Variants in TRIM39 observed in about 807,000 individuals in gnomAD.
TRIM39 encodes E3 ubiquitin-protein ligase TRIM39.
In TRIM39, 5 loss-of-function variants were observed where a neutral mutation model predicts 53.6. The observed-to-expected ratio is 0.09, with a 90% CI of 0.05 to 0.20. The LOEUF (loss-of-function observed/expected upper bound fraction) is 0.20, where lower values mean the gene tolerates loss of function less well. Ranked by LOEUF, TRIM39 falls within the 10% of genes least tolerant of loss-of-function variation. The pLI, the probability that TRIM39 is intolerant of heterozygous loss-of-function variation, is 1.00. For synonymous variants in TRIM39, 196 were observed against 237.6 expected (o/e 0.82, Z 1.61); for missense variants, 310 against 621.0 (o/e 0.50, Z 5.32).
At chr6:30,327,991 G>A (rs1027433071) in intron 1 of TRIM39, among the ~76,000 whole-genome samples, 7 of 152,336 alleles carry the variant, frequency 4.6e-5, no homozygotes, top group Admixed American at 3.9e-4. Context: ...AGAAGGATGG[G>A]GGTCGGGAGG....
At chr6:30,333,872 T>TG (rs762390689) in intron 4 of TRIM39, among the ~76,000 whole-genome samples, 3 of 151,288 alleles carry the variant, frequency 2.0e-5, no homozygotes, top group East Asian at 1.9e-4. Context: ...AAATATAGAG[T>TG]GAAAAAAAGA....
rs1416393668 is a variant in TRIM39 at position 30,335,777 on chromosome 6, G to A, written c.582G>A (p.Leu194=). 1.2e-6 allele frequency: 2 copies of A among 1,612,938 alleles called. No individual in the cohort carries two copies. Among genetic ancestry groups the A allele is most frequent in the Non-Finnish European group, 1.7e-6 (2 of 1,180,020 alleles). Residue 194 remains leucine (L), a synonymous_variant, in exon 5 of 8, where the codon TTG becomes TTA. Transcript: ENST00000396551. This position sits in a 1 kb window ranked among gnomAD's most constrained non-coding sequence, Gnocchi z 4.7. Reference sequence around the variant, plus strand: ...TGGAAAGTCGCCGACAGCAGATCTTGAGGGAGTTTGAAGAGCTTCATAGGC... The same window carrying A: ...TGGAAAGTCGCCGACAGCAGATCTTAAGGGAGTTTGAAGAGCTTCATAGGC...
At chr6:30,340,642 A>G (rs1451889812) in intron 7 of TRIM39, 22 bp downstream of exon 7, 7 of 1,602,912 alleles carry the variant, frequency 4.4e-6, no homozygotes, top group Non-Finnish European at 5.9e-6. Flanking sequence ...CCAAAAGGAA[A>G]CTAGAAGAAA....
chr6:30,329,268 A>T, intron 2 of TRIM39, 43 bp from the exon 3 acceptor site: 2 of 1,526,678 alleles, frequency 1.3e-6, no homozygotes, highest in Non-Finnish European at 1.8e-6. Context: ...AAAAACCTCC[A>T]ATTAATATTT....
At chr6:30,326,474 G>T (rs969638456) in exon 1 of TRIM39, 3 of 152,470 alleles carry the variant, frequency 2.0e-5, no homozygotes, top group Non-Finnish European at 4.4e-5. Context: ...TCCCCAGACT[G>T]GCCCGAAGAG....
chr6:30,329,355 C>T, exon 3 of TRIM39: 1 of 1,613,058 alleles, frequency 6.2e-7, no homozygotes, highest in Non-Finnish European at 8.5e-7. Flanking sequence ...GGGGCCTCTG[C>T]AGCCTCTACA....
chr6:30,341,636 A>C, intron 7 of TRIM39, 76 bp from the exon 8 acceptor site: 1 of 1,509,408 alleles, frequency 6.6e-7, no homozygotes, highest in Non-Finnish European at 8.9e-7. Flanking sequence ...CTGTAAAGGC[A>C]GGCTGGAAGA....
intron 5 of TRIM39, among the ~76,000 whole-genome samples, chr6:30,337,904 CT>C (rs1787059909): frequency 6.6e-6 from 1 of 152,216 alleles, no homozygotes; most frequent in Admixed American, 6.5e-5. Context: ...GCAAGATCTT[CT>C]GGATAACTTG....
chr6:30,336,066 C>T, intron 5 of TRIM39, 91 bp downstream of exon 5: 1 of 1,536,168 alleles, frequency 6.5e-7, no homozygotes, highest in Non-Finnish European at 8.9e-7. Context: ...ACTCATTCTT[C>T]TGCTCTCCTT....
At chr6:30,341,868 C>T (rs1787591880) in exon 8 of TRIM39, 1 of 1,612,918 alleles carries the variant, frequency 6.2e-7, no homozygotes, top group African/African-American at 1.3e-5. Context: ...GAGGGTTTCA[C>T]CTCAGGTCGA....
chr6:30,339,737 T>C lies in TRIM39; in HGVS notation c.781-171T>C, dbSNP rs1416093209. ...CCAGAAGTTGAAAGTAGGGATTAGGTTGGGAGAAGTGCATTCAGGTCCCGC... is the reference window on the plus strand; with the variant it reads ...CCAGAAGTTGAAAGTAGGGATTAGGCTGGGAGAAGTGCATTCAGGTCCCGC... On this transcript the variant is annotated intron_variant, in intron 5 of 7. Coordinates refer to ENST00000396551, the Ensembl canonical transcript of TRIM39. The surrounding 1 kb of genome is among the most constrained non-coding windows in gnomAD (Gnocchi z 4.2). 1.3e-5 allele frequency among the ~76,000 whole-genome samples: 2 copies of C among 152,088 alleles called. No individual in the cohort carries two copies. Among genetic ancestry groups the C allele is most frequent in the African/African-American group, 4.8e-5 (2 of 41,394 alleles).
chr6:30,329,229 G>C (rs565537049), intron 2 of TRIM39, 82 bp from the exon 3 acceptor site: 21 of 1,439,254 alleles, frequency 1.5e-5, no homozygotes, highest in Non-Finnish European at 1.9e-5. Flanking sequence ...GATAAATGTC[G>C]GGTCAGGGAT....
intron 2 of TRIM39, 69 bp from the exon 3 acceptor site, chr6:30,329,241 CA>C (rs200072323): frequency 0.19 from 224,731 of 1,188,294 alleles, 3 homozygotes; most frequent in Middle Eastern, 0.2. Context: ...GTCAGGGATG[CA>C]AAAAAAAAAA....
At position 30,339,936 on chromosome 6, in the gene TRIM39, TG is replaced by T; in HGVS notation, c.803+7del. ...GTCAAAAGTACCCTGGAAAAGTAAG[TG>T]ATTGTTGTATCTCTCTGAGTGAGTT... On this transcript the variant is annotated splice_region_variant and intron_variant, in intron 6 of 7. Coordinates refer to ENST00000396551, the Ensembl canonical transcript of TRIM39. The surrounding 1 kb of genome is among the most constrained non-coding windows in gnomAD (Gnocchi z 4.2). 6.2e-7 allele frequency: 1 copy of T among 1,614,124 alleles called. No homozygotes were observed. Among genetic ancestry groups the T allele is most frequent in the Non-Finnish European group, 8.5e-7 (1 of 1,180,030 alleles).
exon 8 of TRIM39, chr6:30,341,758 G>C: frequency 6.2e-7 from 1 of 1,613,028 alleles, no homozygotes; most frequent in Non-Finnish European, 8.5e-7. Flanking sequence ...ACCTAGTCCT[G>C]TCAGAGGATC....
intron 7 of TRIM39, among the ~76,000 whole-genome samples, 193 bp downstream of exon 7, chr6:30,340,813 A>C (rs1787429882): frequency 6.6e-6 from 1 of 152,092 alleles, no homozygotes; most frequent in Non-Finnish European, 1.5e-5. Context: ...AGCGTTATCT[A>C]CTCTTAGGTC....
chr6:30,329,344 T>C, exon 3 of TRIM39: 1 of 1,613,028 alleles, frequency 6.2e-7, no homozygotes, highest in Non-Finnish European at 8.5e-7. Context: ...TGTTAGAGGC[T>C]GGGGCCTCTG....
intron 7 of TRIM39, among the ~76,000 whole-genome samples, 154 bp downstream of exon 7, chr6:30,340,774 C>T (rs941123456): frequency 6.6e-5 from 10 of 152,200 alleles, no homozygotes; most frequent in African/African-American, 9.7e-5. Flanking sequence ...CACCCTGAGT[C>T]ACAGAACTTG....
chr6:30,342,595 T>C lies in TRIM39; in HGVS notation c.*336T>C, dbSNP rs1787669137. On this transcript the variant is annotated 3_prime_UTR_variant, in exon 8 of 8. Transcript: ENST00000396551. The surrounding 1 kb of genome is among the most constrained non-coding windows in gnomAD (Gnocchi z 4.7). ...AACAAAAAATCTGTGAGGGTCTGAC[T>C]TGCTCAAACCAGAGGAGGAAACAGA... 2 of 424,266 alleles carry C rather than the reference T, an allele frequency of 4.7e-6. No homozygotes were observed. Among genetic ancestry groups the C allele is most frequent in the Admixed American group, 4.0e-5 (1 of 25,288 alleles). 26.3% of individuals were successfully genotyped at this position (424,266 alleles called of 1,614,324 possible).
Sources: allele counts gnomAD v4.1 joint callset (sites outside exome capture counted in the v4.1 genomes callset), GRCh38; gene constraint gnomAD v4.1.1; non-coding constraint Gnocchi (gnomAD v3.1); transcripts MANE v1.5; gene names NCBI Gene and HGNC (gene_info 2026-07-23, HGNC 2026-07-21).